NR1H4: variants seen among roughly 807,000 people sequenced by gnomAD.
NR1H4 encodes the protein bile acid receptor.
Under a neutral mutation model 58.5 loss-of-function variants are expected in NR1H4, and 23 were observed. The observed-to-expected ratio is 0.39, with a 90% CI of 0.28 to 0.56. NR1H4 has a LOEUF of 0.56. Ranked by LOEUF, NR1H4 falls within the 20% of genes least tolerant of loss-of-function variation. The pLI is 0.58. For synonymous variants in NR1H4, 214 were observed against 198.0 expected (o/e 1.08, Z -0.68); for missense variants, 487 against 576.9 (o/e 0.84, Z 1.60).
chr12:100,482,046 G>A (rs1258870780), intron 1 of NR1H4, among the ~76,000 whole-genome samples: 2 of 152,162 alleles, frequency 1.3e-5, no homozygotes, highest in Non-Finnish European at 2.9e-5. Context: ...AGACTGCAGC[G>A]AGCTAAGATC....
Position 100,473,917 on chromosome 12 carries a change from C to T in NR1H4, c.-332C>T, listed in dbSNP as rs759930921. The stretch of plus-strand genomic sequence containing the variant: ...TACACTGGAACTCTCTCCTCCTCCT[C>T]ACCTCATTGTCTCCCCGACTTATCC... On this transcript the variant is annotated 5_prime_UTR_variant, in exon 1 of 11. Transcript: ENST00000392986. The T allele has an allele frequency of 1.3e-5, 2 of 152,266 alleles. No individual in the cohort carries two copies. The highest frequency in any genetic ancestry group is 4.8e-5 in the African/African-American group (2 of 41,452). 9.4% of individuals were successfully genotyped at this position (152,266 alleles called of 1,614,324 possible). A position where few individuals can be genotyped will look rare whatever the true frequency, so the allele number is the denominator to read the frequency against.
At chr12:100,508,766 G>A (rs1380227210) in intron 3 of NR1H4, among the ~76,000 whole-genome samples, 1 of 152,124 alleles carries the variant, frequency 6.6e-6, no homozygotes, top group Non-Finnish European at 1.5e-5. Flanking sequence ...TATCTTTTGA[G>A]CACAGCAAAG....
intron 1 of NR1H4, among the ~76,000 whole-genome samples, chr12:100,488,201 T>C (rs1256049740): frequency 6.6e-6 from 1 of 152,106 alleles, no homozygotes; most frequent in African/African-American, 2.4e-5. Context: ...AGATTCCTCA[T>C]GTTGGCCAGG....
intron 4 of NR1H4, among the ~76,000 whole-genome samples, chr12:100,514,936 A>G (rs1954223218): frequency 6.6e-6 from 1 of 152,118 alleles, no homozygotes; most frequent in African/African-American, 2.4e-5. Context: ...TAAAATAATG[A>G]AGTATATTAG....
At chr12:100,527,045 T>G (rs1954575559) in intron 4 of NR1H4, among the ~76,000 whole-genome samples, 1 of 152,202 alleles carries the variant, frequency 6.6e-6, no homozygotes, top group Non-Finnish European at 1.5e-5. Context: ...TGATCAGTTA[T>G]CCTTTCATCT....
At position 100,561,986 on chromosome 12, in the gene NR1H4, A is replaced by G. The variant is rs201806760; in HGVS notation, c.1180A>G (p.Ile394Val). ...GTATGCTCTGCTTACAGCAATTGTTATCCTGTCTCCAGGTAATTCCAATGT... is the reference window on the plus strand; with the variant it reads ...GTATGCTCTGCTTACAGCAATTGTTGTCCTGTCTCCAGGTAATTCCAATGT... Reference protein sequence around the residue: ...EEYALLTAIVILSPDRQYIKD... With the variant: ...EEYALLTAIVVLSPDRQYIKD... Residue 394 changes from isoleucine (I) to valine (V), a missense_variant, in exon 10 of 11, where the codon ATC becomes GTC. By Grantham distance (29) the Ile-to-Val change is conservative (BLOSUM62 3). Coordinates refer to ENST00000392986, the MANE Select transcript of NR1H4 (RefSeq NM_001206979.2). The G allele has an allele frequency of 1.3e-6, 2 of 1,485,424 alleles. No homozygotes were observed. The highest frequency in any genetic ancestry group is 2.8e-5 in the African/African-American group (2 of 72,562). The allele number at this position is 1,485,424 out of a possible 1,614,324, so 92.0% of individuals were successfully genotyped here.
intron 4 of NR1H4, among the ~76,000 whole-genome samples, chr12:100,529,867 C>T (rs970880987): frequency 1.3e-5 from 2 of 152,120 alleles, no homozygotes; most frequent in Non-Finnish European, 2.9e-5. Flanking sequence ...TTTTAAGTGC[C>T]TTCTGCTGGA....
At chr12:100,513,378 C>G (rs779628059) in intron 4 of NR1H4, among the ~76,000 whole-genome samples, 9 of 152,158 alleles carry the variant, frequency 5.9e-5, no homozygotes, top group Non-Finnish European at 1.0e-4. Context: ...ATATTACCCT[C>G]GATTCCTATA....
At chr12:100,517,178 CCCCTTCT>C (rs1488634955) in intron 4 of NR1H4, among the ~76,000 whole-genome samples, 27 of 152,114 alleles carry the variant, frequency 1.8e-4, no homozygotes, top group Non-Finnish European at 3.5e-4. Flanking sequence ...ATTTCACTGT[CCCCTTCT>C]CCCCCCATCC....
chr12:100,483,000 A>G (rs1053199268), intron 1 of NR1H4, among the ~76,000 whole-genome samples: 7 of 152,168 alleles, frequency 4.6e-5, no homozygotes, highest in Admixed American at 4.6e-4. Flanking sequence ...ATCTCGGCTC[A>G]CTGCAACCTC....
At chr12:100,486,329 G>A (rs1349962237) in intron 1 of NR1H4, among the ~76,000 whole-genome samples, 1 of 152,174 alleles carries the variant, frequency 6.6e-6, no homozygotes, top group African/African-American at 2.4e-5. Context: ...TCTTCTAGAA[G>A]TTTACGATCT....
intron 9 of NR1H4, among the ~76,000 whole-genome samples, chr12:100,555,356 A>G (rs1565783682): frequency 6.6e-6 from 1 of 152,216 alleles, no homozygotes; most frequent in African/African-American, 2.4e-5. Flanking sequence ...CAGCCTTACC[A>G]AGAAAATAGA....
At chr12:100,499,877 T>G in intron 3 of NR1H4, 1 of 456,088 alleles carries the variant, frequency 2.2e-6, no homozygotes, top group South Asian at 1.5e-5. Context: ...TTCCAATCTC[T>G]GCCATCTACT....
Position 100,493,377 on chromosome 12 carries a change from A to G in NR1H4, c.54A>G (p.Glu18=). The change falls in exon 3 of 11, where the codon GAA becomes GAG. Residue 18 remains glutamate (E), a synonymous_variant. Transcript: ENST00000392986. ...IEHSHLPTTD[E]FSFSENLFGV... The stretch of plus-strand genomic sequence containing the variant: ...ATTCCCATTTACCTACCACAGATGA[A>G]TTTTCTTTTTCTGAAAATTTATTTG... 6.4e-7 allele frequency: 1 copy of G among 1,566,398 alleles called. No homozygotes were observed. The highest frequency in any genetic ancestry group is 8.8e-7 in the Non-Finnish European group (1 of 1,142,402).
At chr12:100,514,805 A>C (rs891049378) in intron 4 of NR1H4, among the ~76,000 whole-genome samples, 5 of 145,918 alleles carry the variant, frequency 3.4e-5, no homozygotes, top group African/African-American at 1.2e-4. Flanking sequence ...AGCATAAGCT[A>C]TATTATATTA....
chr12:100,505,813 T>G, intron 3 of NR1H4: 1 of 487,196 alleles, frequency 2.1e-6, no homozygotes, highest in Non-Finnish European at 3.6e-6. Flanking sequence ...GAACTACCTC[T>G]ACTCCCTCCA....
At chr12:100,544,097 A>G (rs1955001707) in intron 9 of NR1H4, among the ~76,000 whole-genome samples, 1 of 151,946 alleles carries the variant, frequency 6.6e-6, no homozygotes, top group South Asian at 2.1e-4. Context: ...CTAAAAATAC[A>G]AACAATTAGT....
intron 3 of NR1H4, among the ~76,000 whole-genome samples, chr12:100,509,321 A>G (rs1593068990): frequency 1.3e-5 from 2 of 152,204 alleles, no homozygotes; most frequent in South Asian, 4.1e-4. Flanking sequence ...CAGCATTTGC[A>G]TAATTTCAAT....
At chr12:100,486,064 C>T (rs139000216) in intron 1 of NR1H4, among the ~76,000 whole-genome samples, 22 of 152,038 alleles carry the variant, frequency 1.4e-4, no homozygotes, top group African/African-American at 5.1e-4. Context: ...TTAAGCTTTA[C>T]GGCAACCCTA....
Sources: gnomAD v4.1 joint callset for allele counts (sites outside exome capture counted in the v4.1 genomes callset) on GRCh38, gnomAD v4.1.1 for gene constraint, MANE v1.5 for transcripts, NCBI Gene and HGNC (gene_info 2026-07-23, HGNC 2026-07-21) for gene names.